The following TBC1D14 variants were observed in gnomAD, a reference collection of about 807,000 sequenced individuals.
TBC1D14 encodes TBC1 domain family, member 14.
A neutral mutation model predicts 79.0 loss-of-function variants in TBC1D14; 26 were observed. The observed-to-expected ratio is 0.33, with a 90% confidence interval of 0.24 to 0.46. TBC1D14 has a LOEUF of 0.46. Ranked by LOEUF, TBC1D14 falls within the 20% of genes least tolerant of loss-of-function variation. The pLI is 1.00. For missense variants in TBC1D14, 769 were observed against 887.6 expected (o/e 0.87, Z 1.70); for synonymous variants, 394 against 349.9 (o/e 1.13, Z -1.40).
intron 7 of TBC1D14, among the ~76,000 whole-genome samples, chr4:7,003,324 C>T (rs1360869725): frequency 6.6e-6 from 1 of 152,214 alleles, no homozygotes; most frequent in Non-Finnish European, 1.5e-5. Context: ...TCCCTAGTGG[C>T]CATGGCCACA....
intron 3 of TBC1D14, among the ~76,000 whole-genome samples, chr4:6,988,881 C>CT (rs1718165761): frequency 4.3e-5 from 4 of 93,570 alleles, no homozygotes; most frequent in East Asian, 2.8e-4. Context: ...TTCTTTCTTT[C>CT]TTTCTTTTTT....
In TBC1D14 at chr4:7,013,766, T is replaced by C. The variant is rs1460564171; in HGVS notation, c.1648-682T>C. 3.4e-5 allele frequency among the ~76,000 whole-genome samples: 5 copies of C among 148,154 alleles called. No individual in the cohort carries two copies. The South Asian group carries it at 6.4e-4, about 19-fold the overall frequency. On this transcript the variant is annotated intron_variant, in intron 11 of 13. Transcript: ENST00000409757. ...TACTTTTTTTTTTTTTTTTATGAGA[T>C]GGAGTCTCGCTGTGTCGCCCAGGCT... is the stretch of plus-strand genomic sequence containing the variant.
intron 1 of TBC1D14, among the ~76,000 whole-genome samples, chr4:6,922,899 T>G: frequency 6.6e-6 from 1 of 152,148 alleles, no homozygotes; most frequent in Non-Finnish European, 1.5e-5. Flanking sequence ...TGACAGTGTA[T>G]GTTAAAACTC....
At chr4:6,911,596 TC>T (rs1227099895) in intron 1 of TBC1D14, among the ~76,000 whole-genome samples, 1 of 152,248 alleles carries the variant, frequency 6.6e-6, no homozygotes, top group East Asian at 1.9e-4. Flanking sequence ...CCCCTGCAGT[TC>T]CTCTGCATTG....
intron 6 of TBC1D14, among the ~76,000 whole-genome samples, chr4:7,000,119 A>G (rs543758542): frequency 6.6e-6 from 1 of 152,192 alleles, no homozygotes; most frequent in Non-Finnish European, 1.5e-5. Flanking sequence ...AGTATCCTCA[A>G]AAGGCTGGAT....
intron 1 of TBC1D14, among the ~76,000 whole-genome samples, chr4:6,920,074 C>A (rs1472172490): frequency 2.0e-5 from 3 of 152,070 alleles, no homozygotes; most frequent in Non-Finnish European, 2.9e-5. Context: ...ACTACCATGC[C>A]TGGCTAATTT....
intron 2 of TBC1D14, among the ~76,000 whole-genome samples, chr4:6,952,917 G>C (rs1475545884): frequency 6.6e-6 from 1 of 151,960 alleles, no homozygotes; most frequent in East Asian, 1.9e-4. Flanking sequence ...GTGTGATCTT[G>C]GCTCACTGCA....
At chr4:6,985,498 G>A (rs1419539244) in intron 3 of TBC1D14, among the ~76,000 whole-genome samples, 4 of 152,212 alleles carry the variant, frequency 2.6e-5, no homozygotes, top group Admixed American at 2.6e-4. Flanking sequence ...AATTAGGGGT[G>A]TGTGTGTGTT....
At chr4:6,994,364 C>T in intron 4 of TBC1D14, 62 bp downstream of exon 4, 1 of 1,486,126 alleles carries the variant, frequency 6.7e-7, no homozygotes, top group Non-Finnish European at 9.4e-7. Flanking sequence ...ACTTGCTAAG[C>T]AGCTTTTCAT....
intron 2 of TBC1D14, among the ~76,000 whole-genome samples, chr4:6,927,320 A>G (rs1177391529): frequency 3.9e-5 from 6 of 152,040 alleles, no homozygotes; most frequent in Admixed American, 3.9e-4. Flanking sequence ...ACCGCAGCCG[A>G]GAGTGCTGGT....
chr4:6,962,172 G>A (rs1370484777), intron 2 of TBC1D14, among the ~76,000 whole-genome samples: 3 of 152,202 alleles, frequency 2.0e-5, no homozygotes. Flanking sequence ...CTAGGTAGGA[G>A]GTGAGATATG....
At chr4:7,025,400 G>C (rs939148346) in intron 13 of TBC1D14, 138 bp downstream of exon 13, 11 of 1,383,778 alleles carry the variant, frequency 7.9e-6, no homozygotes, top group East Asian at 4.9e-5. Context: ...GGGGGGCCGG[G>C]TGGAGACGTG....
intron 2 of TBC1D14, among the ~76,000 whole-genome samples, chr4:6,925,383 G>T (rs1195457262): frequency 6.6e-6 from 1 of 152,196 alleles, no homozygotes; most frequent in Non-Finnish European, 1.5e-5. Flanking sequence ...TGGCTGCCCC[G>T]TGTGTGTGTC....
At chr4:6,923,253 G>A (rs961528046) in intron 1 of TBC1D14, 120 bp from the exon 2 acceptor site, 89 of 1,187,858 alleles carry the variant, frequency 7.5e-5, no homozygotes, top group Non-Finnish European at 1.0e-4. Context: ...ACTTGGGTAT[G>A]TGGAACCTTT....
intron 3 of TBC1D14, among the ~76,000 whole-genome samples, chr4:6,981,174 A>G (rs547026661): frequency 2.0e-5 from 3 of 151,252 alleles, no homozygotes; most frequent in Non-Finnish European, 2.9e-5. Context: ...ACAGGCATGT[A>G]CCACCACGCC....
rs543534278 is a variant in TBC1D14 at position 7,032,444 on chromosome 4, C to G, written c.*2052C>G. The stretch of plus-strand genomic sequence containing the variant: ...CTGGGGATCTTCTGTGTCTTCAGCG[C>G]CCAGCCCTGCGTGTTCCTGGTGAAG... On this transcript the variant is annotated 3_prime_UTR_variant, in exon 14 of 14. Transcript: ENST00000409757. The G allele has an allele frequency of 3.9e-5, 6 of 152,696 alleles. No individual in the cohort carries two copies. The South Asian group carries it at 1.0e-3, about 26-fold the overall frequency. The allele number at this position is 152,696 out of a possible 1,614,324, so 9.5% of individuals were successfully genotyped here.
intron 3 of TBC1D14, among the ~76,000 whole-genome samples, chr4:6,986,073 C>G (rs765520868): frequency 2.6e-5 from 4 of 152,240 alleles, no homozygotes; most frequent in Non-Finnish European, 5.9e-5. Context: ...CTCTCACCCC[C>G]AGGCAAACAT....
At chr4:7,023,989 G>A (rs552603597) in intron 12 of TBC1D14, among the ~76,000 whole-genome samples, 1 of 152,300 alleles carries the variant, frequency 6.6e-6, no homozygotes, top group African/African-American at 2.4e-5. Context: ...GGACAGCCTG[G>A]AACATTCCTG....
intron 5 of TBC1D14, chr4:6,998,832 C>T: frequency 2.6e-6 from 1 of 378,614 alleles, no homozygotes; most frequent in Non-Finnish European, 4.9e-6. Context: ...AGCCACCGCG[C>T]CTGGCCAACT....
Sources: gnomAD v4.1 joint callset for allele counts (sites outside exome capture counted in the v4.1 genomes callset) on GRCh38, gnomAD v4.1.1 for gene constraint, MANE v1.5 for transcripts, NCBI Gene and HGNC (gene_info 2026-07-23, HGNC 2026-07-21) for gene names.